The following UNC80 variants were observed in gnomAD, a reference collection of about 807,000 sequenced individuals.
UNC80 encodes the protein unc-80 subunit of NALCN channel complex.
A neutral mutation model predicts 384.6 loss-of-function variants in UNC80; 164 were observed. The ratio of observed to expected loss-of-function variants is 0.43; its 90% CI spans 0.38 to 0.49. The LOEUF (loss-of-function observed/expected upper bound fraction) is 0.49, where lower values mean the gene tolerates loss of function less well. UNC80 is among the 20% of genes least tolerant of loss of function. The probability of loss-of-function intolerance (pLI) is 0.00; values close to 1 mark genes in which losing one functional copy is unlikely to be tolerated. For synonymous variants in UNC80, 1,486 were observed against 1,527.8 expected (o/e 0.97, Z 0.64); for missense variants, 3,330 against 4,143.0 (o/e 0.80, Z 5.39).
intron 7 of UNC80, 22 bp from the exon 8 acceptor site, chr2:209,813,558 T>C: frequency 6.5e-7 from 1 of 1,544,612 alleles, no homozygotes; most frequent in Non-Finnish European, 8.8e-7. Context: ...AGTATAATTA[T>C]CTTCTTTCTG....
intron 59 of UNC80, among the ~76,000 whole-genome samples, chr2:209,980,003 A>T (rs2093120514): frequency 6.6e-6 from 1 of 152,200 alleles, no homozygotes; most frequent in Non-Finnish European, 1.5e-5. Flanking sequence ...TACCAGTAAT[A>T]TTTGCAGTTA....
chr2:209,814,381 C>G (rs931063788), intron 8 of UNC80, among the ~76,000 whole-genome samples: 1 of 152,082 alleles, frequency 6.6e-6, no homozygotes, highest in South Asian at 2.1e-4. Context: ...GACTGCAGGA[C>G]TACAGGCGCC....
At chr2:209,947,620 G>A (rs113758836) in intron 47 of UNC80, among the ~76,000 whole-genome samples, 3,318 of 152,116 alleles carry the variant, frequency 0.022, 72 homozygotes, top group Middle Eastern at 0.095. Context: ...AGTAAGGTCA[G>A]GGTTTCTTAA....
chr2:209,976,153 G>A lies in UNC80; in HGVS notation c.8622G>A (p.Gln2874=). ...TGATTCTCGTCTGCTTTGAGAGGCA[G>A]CTCGGAAGCCAGTGGTACTGGCTGA... ...LKVILVCFER[Q]LGSQWYWLSL... The change falls in exon 57 of 65, where the codon CAG becomes CAA. Residue 2874 remains glutamine, a synonymous_variant. Coordinates refer to ENST00000673920, the MANE Select transcript of UNC80 (RefSeq NM_001371986.1). The surrounding 1 kb of genome is among the most constrained non-coding windows in gnomAD (Gnocchi z 4.3). The A allele has an allele frequency of 1.9e-6, 3 of 1,551,676 alleles. No homozygotes were observed. The highest frequency in any genetic ancestry group is 2.6e-6 in the Non-Finnish European group (3 of 1,146,990).
At chr2:209,781,039 TC>T (rs2077129893) in intron 4 of UNC80, among the ~76,000 whole-genome samples, 1 of 152,156 alleles carries the variant, frequency 6.6e-6, no homozygotes, top group African/African-American at 2.4e-5. Flanking sequence ...CCTTGATTTT[TC>T]CCCTCAGGTT....
Position 209,820,447 on chromosome 2 carries a change from A to G in UNC80, c.2099A>G (p.Glu700Gly). The change falls in exon 13 of 65, where the codon GAA becomes GGA. Residue 700 changes from glutamate to glycine, a missense_variant. Around this residue, in one of 8 missense-constraint regions of UNC80, gnomAD observed 937 missense variants for 1,026.8 expected, o/e 0.91. Transcript: ENST00000673920. ...GTAGAAAAGAATAGAAAGAAGAGTG[A>G]AAACAAGGAAAATGAGACCTTGGAA... is the stretch of plus-strand genomic sequence containing the variant. Reference protein sequence around the residue: ...PCVEKNRKKSENKENETLEKR... With the variant: ...PCVEKNRKKSGNKENETLEKR... 6.4e-7 allele frequency: 1 copy of G among 1,551,746 alleles called. No homozygotes were observed. Among genetic ancestry groups the G allele is most frequent in the East Asian group, 2.4e-5 (1 of 40,912 alleles).
At chr2:209,774,443 C>G (rs544596252) in intron 2 of UNC80, among the ~76,000 whole-genome samples, 37 of 152,152 alleles carry the variant, frequency 2.4e-4, no homozygotes, top group South Asian at 1.7e-3. Context: ...AATGCAGTCA[C>G]ACAATATCAA....
intron 14 of UNC80, 70 bp from the exon 15 acceptor site, chr2:209,829,162 T>G (rs2080770892): frequency 6.6e-7 from 1 of 1,523,388 alleles, no homozygotes; most frequent in Non-Finnish European, 8.8e-7. Flanking sequence ...AAGGCTTCTG[T>G]CTCAGACTAC....
intron 35 of UNC80, among the ~76,000 whole-genome samples, chr2:209,925,819 C>T (rs1281319522): frequency 6.6e-6 from 1 of 152,160 alleles, no homozygotes; most frequent in Non-Finnish European, 1.5e-5. Context: ...CTGGCTTCAC[C>T]TCTCAAAGCC....
chr2:209,772,177 G>C lies in UNC80; in HGVS notation c.92+13G>C. On this transcript the variant is annotated intron_variant, in intron 1 of 64. Coordinates refer to ENST00000673920, the MANE Select transcript of UNC80 (RefSeq NM_001371986.1). The stretch of plus-strand genomic sequence containing the variant: ...GGCGGCAAACCAGGTGAGGGGCGCA[G>C]AGGGCGCACCGCGGGCCGCCCTGGG... 6.5e-7 allele frequency: 1 copy of C among 1,534,650 alleles called. No individual in the cohort carries two copies.
intron 51 of UNC80, among the ~76,000 whole-genome samples, chr2:209,965,597 A>G (rs1265491725): frequency 6.6e-6 from 1 of 151,044 alleles, no homozygotes; most frequent in Non-Finnish European, 1.5e-5. Context: ...ATTTTTTTGT[A>G]TTTTTGGTAG....
intron 7 of UNC80, among the ~76,000 whole-genome samples, chr2:209,801,377 C>CTTTTTT (rs35079056): frequency 1.5e-5 from 1 of 66,006 alleles, no homozygotes; most frequent in Non-Finnish European, 2.8e-5. Context: ...GCAACCCCTG[C>CTTTTTT]TTTTTTTTTT....
intron 58 of UNC80, among the ~76,000 whole-genome samples, chr2:209,977,653 C>A (rs534285815): frequency 1.3e-5 from 2 of 152,152 alleles, no homozygotes; most frequent in Non-Finnish European, 2.9e-5. Context: ...ATTTATAAAG[C>A]CTTTAACTTT....
intron 22 of UNC80, among the ~76,000 whole-genome samples, chr2:209,853,781 T>G (rs542932339): frequency 6.6e-6 from 1 of 152,232 alleles, no homozygotes; most frequent in Non-Finnish European, 1.5e-5. Context: ...TTTTTGGTAA[T>G]TTATTAGCAT....
intron 59 of UNC80, among the ~76,000 whole-genome samples, chr2:209,978,909 T>C (rs897744098): frequency 6.6e-6 from 1 of 152,208 alleles, no homozygotes. Context: ...CTTTGGTCAT[T>C]TAAAAAGAAT....
At chr2:209,786,028 T>C in intron 4 of UNC80, 38 bp from the exon 5 acceptor site, 1 of 1,604,346 alleles carries the variant, frequency 6.2e-7, no homozygotes, top group Non-Finnish European at 8.5e-7. Context: ...AGCTGTTACA[T>C]GTCAGTTATT....
At chr2:209,993,681 A>G (rs1484166657) in intron 63 of UNC80, among the ~76,000 whole-genome samples, 1 of 152,176 alleles carries the variant, frequency 6.6e-6, no homozygotes, top group Non-Finnish European at 1.5e-5. Flanking sequence ...AAATTTGACT[A>G]TAAAAGGATG....
At chr2:209,859,625 T>C (rs1185464987) in intron 22 of UNC80, among the ~76,000 whole-genome samples, 2 of 152,246 alleles carry the variant, frequency 1.3e-5, no homozygotes, top group African/African-American at 4.8e-5. Flanking sequence ...CCACAATGGT[T>C]GAACTAATTT....
intron 15 of UNC80, 44 bp downstream of exon 15, chr2:209,829,423 G>A: frequency 6.5e-7 from 1 of 1,547,786 alleles, no homozygotes; most frequent in Non-Finnish European, 8.7e-7. Flanking sequence ...TCGTTGTGAG[G>A]TGAATCAGGT....
Sources: gnomAD v4.1 joint callset for allele counts (sites outside exome capture counted in the v4.1 genomes callset) on GRCh38, gnomAD v4.1.1 for gene constraint, gnomAD v4.1.1 regional missense constraint, Gnocchi (gnomAD v3.1) non-coding constraint, MANE v1.5 for transcripts, NCBI Gene and HGNC (gene_info 2026-07-23, HGNC 2026-07-21) for gene names.